The following CDH13 variants were observed in gnomAD, a reference collection of about 807,000 sequenced individuals.
CDH13 encodes the protein cadherin 13, also known as cadherin-13.
CDH13 carries 24 observed loss-of-function variants against 63.8 expected under a neutral mutation model. The observed-to-expected ratio is 0.38, with a 90% confidence interval of 0.27 to 0.53. The LOEUF (loss-of-function observed/expected upper bound fraction) is 0.53. Ranked by LOEUF, CDH13 falls within the 20% of genes least tolerant of loss-of-function variation. The pLI is 0.85. For synonymous variants in CDH13, 503 were observed against 355.3 expected (o/e 1.42, Z -4.67); for missense variants, 1,049 against 903.1 (o/e 1.16, Z -2.07).
chr16:82,691,921 A>G (rs1345632085), intron 1 of CDH13, among the ~76,000 whole-genome samples: 3 of 152,176 alleles, frequency 2.0e-5, no homozygotes, highest in African/African-American at 7.2e-5. Flanking sequence ...GCTGCCAGCA[A>G]CCTGTATTTT....
intron 2 of CDH13, among the ~76,000 whole-genome samples, chr16:83,016,884 A>G (rs1371456591): frequency 6.6e-6 from 1 of 152,186 alleles, no homozygotes; most frequent in African/African-American, 2.4e-5. Context: ...GAAAACCAAA[A>G]TTGACATTCT....
chr16:83,634,443 C>T (rs1183330077), intron 8 of CDH13, among the ~76,000 whole-genome samples: 2 of 151,400 alleles, frequency 1.3e-5, no homozygotes, highest in African/African-American at 2.4e-5. Flanking sequence ...CCCAGCCACC[C>T]AGGCTGGAGT....
At chr16:83,226,717 G>A (rs1049756010) in intron 5 of CDH13, among the ~76,000 whole-genome samples, 3 of 152,180 alleles carry the variant, frequency 2.0e-5, no homozygotes, top group Non-Finnish European at 4.4e-5. Flanking sequence ...GTCCAGCCCA[G>A]CAGCCCAGCG....
rs905745852 is a variant in CDH13 at position 83,052,922 on chromosome 16, C to G, written c.366+20704C>G. On this transcript the variant is annotated intron_variant, in intron 3 of 13. Coordinates refer to ENST00000567109, the MANE Select transcript of CDH13 (RefSeq NM_001257.5). ...AGTAAAATAGGTTGTACAGATTGGG[C>G]CAAAGCCTAAAGATATTCTGGTGAT... 2.0e-5 allele frequency among the ~76,000 whole-genome samples: 3 copies of G among 151,972 alleles called. No individual in the cohort carries two copies. In the East Asian group the frequency reaches 5.8e-4, roughly 29 times the overall value.
Position 83,134,568 on chromosome 16 carries a change from AGAGAGAGAGAGAGAGAGAGAGAGAGT to A in CDH13, c.483+9071_483+9096del, listed in dbSNP as rs1202534189. 5.1e-3 allele frequency among the ~76,000 whole-genome samples: 633 copies of A among 123,616 alleles called. 19 individuals are homozygous for A. The highest frequency in any genetic ancestry group is 0.02 in the African/African-American group (548 of 27,130). 81.1% of individuals were successfully genotyped at this position (123,616 alleles called of 152,430 possible). A position where few individuals can be genotyped will look rare whatever the true frequency, so the allele number is the denominator to read the frequency against. Reference sequence around the variant, plus strand: ...GGGAGAGAGAGAGAGAGAGAGAGAGAGAGAGAGAGAGAGAGAGAGAGAGAGTGAGTTACATGACTGTATTTCTGAAT... The same window carrying A: ...GGGAGAGAGAGAGAGAGAGAGAGAGAGAGTTACATGACTGTATTTCTGAAT... On this transcript the variant is annotated intron_variant, in intron 4 of 13. Coordinates refer to ENST00000567109, the MANE Select transcript of CDH13 (RefSeq NM_001257.5).
intron 7 of CDH13, among the ~76,000 whole-genome samples, chr16:83,575,736 A>C (rs1426811380): frequency 1.3e-5 from 2 of 152,176 alleles, no homozygotes; most frequent in African/African-American, 4.8e-5. Flanking sequence ...TCCTTCATGG[A>C]GGTGCTTTCA....
intron 3 of CDH13, among the ~76,000 whole-genome samples, chr16:83,052,633 A>G (rs572554154): frequency 6.6e-6 from 1 of 152,206 alleles, no homozygotes; most frequent in East Asian, 1.9e-4. Context: ...TACAAAAATT[A>G]GCCAGGCATG....
chr16:83,072,255 C>A (rs1048489925), intron 3 of CDH13, among the ~76,000 whole-genome samples: 3 of 152,166 alleles, frequency 2.0e-5, no homozygotes, highest in African/African-American at 7.2e-5. Flanking sequence ...AGAAACCAAA[C>A]TCACTTGTCC....
At chr16:83,594,571 G>C (rs1598344979) in intron 7 of CDH13, among the ~76,000 whole-genome samples, 1 of 152,170 alleles carries the variant, frequency 6.6e-6, no homozygotes, top group Non-Finnish European at 1.5e-5. Context: ...TGAAACATTC[G>C]ATATGGAAAA....
At chr16:83,277,630 A>G (rs1426394775) in intron 5 of CDH13, among the ~76,000 whole-genome samples, 2 of 152,176 alleles carry the variant, frequency 1.3e-5, no homozygotes, top group Non-Finnish European at 2.9e-5. Context: ...TGGAGCTTCC[A>G]GAGGCTTCCT....
Position 83,344,912 on chromosome 16 carries a change from G to T in CDH13, c.687G>T (p.Val229=). ...DVNGKTLEGP[V]PLEVIVIDQN... ...ATGGCAAAACTCTCGAGGGGCCGGTGCCTCTGGAAGTCATTGTGATTGATC... is the reference window on the plus strand; with the variant it reads ...ATGGCAAAACTCTCGAGGGGCCGGTTCCTCTGGAAGTCATTGTGATTGATC... The change falls in exon 6 of 14, where the codon GTG becomes GTT. Residue 229 remains valine, a synonymous_variant. Coordinates refer to ENST00000567109, the MANE Select transcript of CDH13 (RefSeq NM_001257.5). 6.2e-7 allele frequency: 1 copy of T among 1,613,986 alleles called. No individual in the cohort carries two copies. The highest frequency in any genetic ancestry group is 8.5e-7 in the Non-Finnish European group (1 of 1,179,848).
chr16:82,996,775 CGATGGT>C (rs1912247693), intron 2 of CDH13, among the ~76,000 whole-genome samples: 1 of 150,394 alleles, frequency 6.6e-6, no homozygotes, highest in East Asian at 2.0e-4. Context: ...ATGGTGATGA[CGATGGT>C]GATGGTGGGG....
intron 1 of CDH13, among the ~76,000 whole-genome samples, chr16:82,662,720 G>GGGC (rs1181136186): frequency 1.3e-5 from 2 of 152,190 alleles, no homozygotes; most frequent in East Asian, 3.9e-4. Flanking sequence ...CTATAGAAGG[G>GGGC]GGCAGATCAC....
chr16:83,433,785 C>T (rs990610137), intron 6 of CDH13, among the ~76,000 whole-genome samples: 5 of 152,192 alleles, frequency 3.3e-5, no homozygotes, highest in Non-Finnish European at 7.3e-5. Context: ...ATGCAAGAAC[C>T]GTGCAGCAGA....
intron 3 of CDH13, among the ~76,000 whole-genome samples, chr16:83,057,316 C>A (rs2151515637): frequency 6.6e-6 from 1 of 152,064 alleles, no homozygotes; most frequent in South Asian, 2.1e-4. Context: ...CTTGTGGTTA[C>A]CTTTGAAAAG....
In CDH13 at chr16:83,780,118, T is replaced by G. The variant is rs755893966; in HGVS notation, c.1832T>G (p.Leu611Arg). Residue 611 changes from leucine (L) to arginine (R), a missense_variant, in exon 12 of 14, where the codon CTT becomes CGT. Leu to Arg is a moderately radical substitution (Grantham distance 102, BLOSUM62 -2). Coordinates refer to ENST00000567109, the MANE Select transcript of CDH13 (RefSeq NM_001257.5). The stretch of plus-strand genomic sequence containing the variant: ...ATTTTGGGAGCATCAGATAAGGATC[T>G]TCACCCGAATACAGATCCTTTCAAA... ...VVILGASDKDLHPNTDPFKFE... is the reference protein window; with the variant it reads ...VVILGASDKDRHPNTDPFKFE... 85 of 1,613,570 alleles carry G rather than the reference T, an allele frequency of 5.3e-5. No individual in the cohort carries two copies. The highest frequency in any genetic ancestry group is 6.4e-5 in the Non-Finnish European group (75 of 1,179,764).
intron 7 of CDH13, among the ~76,000 whole-genome samples, chr16:83,487,490 A>G (rs1246161361): frequency 6.6e-6 from 1 of 152,114 alleles, no homozygotes; most frequent in African/African-American, 2.4e-5. Flanking sequence ...TTCCACGTGC[A>G]TGGGCCCCTC....
Position 83,463,496 on chromosome 16 carries a change from C to T in CDH13, c.782-22981C>T, listed in dbSNP as rs570210458. Among the ~76,000 whole-genome samples, 50 of 152,166 alleles carry T rather than the reference C, an allele frequency of 3.3e-4. 2 individuals are homozygous for T. The highest frequency in any genetic ancestry group is 5.6e-4 in the Non-Finnish European group (38 of 68,036). On this transcript the variant is annotated intron_variant, in intron 6 of 13. Transcript: ENST00000567109. ...CCACACTACACACAGGCTCTTGAAG[C>T]TTTCACATGAAAGTGGCATGCAGGC...
At chr16:83,548,177 G>A (rs1421894577) in intron 7 of CDH13, among the ~76,000 whole-genome samples, 1 of 152,066 alleles carries the variant, frequency 6.6e-6, no homozygotes, top group Admixed American at 6.6e-5. Flanking sequence ...GTGCCAGGGT[G>A]GGGAGAGGTA....
Sources: gnomAD v4.1 joint callset for allele counts (sites outside exome capture counted in the v4.1 genomes callset) on GRCh38, gnomAD v4.1.1 for gene constraint, MANE v1.5 for transcripts, NCBI Gene and HGNC (gene_info 2026-07-23, HGNC 2026-07-21) for gene names.